The following PRORP variants were observed in gnomAD, a reference collection of about 807,000 sequenced individuals.
The protein encoded by PRORP is mitochondrial ribonuclease P catalytic subunit.
A neutral mutation model predicts 59.4 loss-of-function variants in PRORP; 51 were observed. That is an observed-to-expected ratio of 0.86 (90% CI 0.69 to 1.08). The LOEUF (loss-of-function observed/expected upper bound fraction) is 1.08. PRORP is among the 50% of genes least tolerant of loss of function. The pLI is 0.00. For missense variants in PRORP, 646 were observed against 690.3 expected (o/e 0.94, Z 0.72); for synonymous variants, 231 against 245.6 (o/e 0.94, Z 0.55).
chr14:35,192,966 C>A lies in PRORP; in HGVS notation c.1275+12189C>A, dbSNP rs1167672063. The stretch of plus-strand genomic sequence containing the variant: ...CTAGATTGTGCCACTACAGTCCAGC[C>A]TGGGTGACAGAGTAGAAAAAAAAAA... On this transcript the variant is annotated intron_variant, in intron 5 of 7. Coordinates refer to ENST00000534898, the MANE Select transcript of PRORP (RefSeq NM_014672.4). Among the ~76,000 whole-genome samples, 18 of 147,992 alleles carry A rather than the reference C, an allele frequency of 1.2e-4. 1 individual carries two copies. Among genetic ancestry groups the A allele is most frequent in the Middle Eastern group, 3.5e-3 (1 of 288 alleles).
chr14:35,266,161 T>C (rs1478068839), intron 5 of PRORP, among the ~76,000 whole-genome samples: 2 of 151,514 alleles, frequency 1.3e-5, no homozygotes, highest in East Asian at 1.9e-4. Context: ...CTACTAAAAA[T>C]ACAAAATTAG....
At chr14:35,136,405 G>C (rs1045752166) in intron 4 of PRORP, among the ~76,000 whole-genome samples, 5 of 150,486 alleles carry the variant, frequency 3.3e-5, no homozygotes, top group African/African-American at 1.2e-4. Flanking sequence ...ACAGAGTTTC[G>C]CTGTTGTTGC....
intron 5 of PRORP, among the ~76,000 whole-genome samples, chr14:35,258,396 A>G (rs1349098235): frequency 6.6e-6 from 1 of 152,236 alleles, no homozygotes; most frequent in Non-Finnish European, 1.5e-5. Context: ...AATCAGAATA[A>G]AGAAAATGCA....
chr14:35,227,828 A>G (rs1313348067), intron 5 of PRORP, among the ~76,000 whole-genome samples: 2 of 152,124 alleles, frequency 1.3e-5, no homozygotes, highest in Non-Finnish European at 2.9e-5. Flanking sequence ...ACAAGCCCGC[A>G]GAAATACGTA....
chr14:35,124,198 C>A lies in PRORP; in HGVS notation c.953C>A (p.Ser318Ter). The change falls in exon 2 of 8, where the codon TCA (serine) becomes TAA (stop). Residue 318 changes from serine (S) to a stop codon, truncating the protein, a stop_gained. Transcript: ENST00000534898. LOFTEE classifies it high-confidence loss of function. ...AATAATCAGCTGTATCCAGGGGAGT[C>A]ATTTGCACACAGTATAAAAACATGG... ...LRNNQLYPGE[S>*]FAHSIKTWFE... 1.3e-6 allele frequency: 2 copies of A among 1,569,604 alleles called. No individual in the cohort carries two copies. Among genetic ancestry groups the A allele is most frequent in the South Asian group, 2.4e-5 (2 of 83,938 alleles).
chr14:35,123,326 T>C lies in PRORP; in HGVS notation c.81T>C (p.Ser27=). 2 of 1,614,040 alleles carry C rather than the reference T, an allele frequency of 1.2e-6. No individual in the cohort carries two copies. Among genetic ancestry groups the C allele is most frequent in the Middle Eastern group, 1.7e-4 (1 of 6,058 alleles). ...ACCTTGGGCTAGGCCCAGGGCACTC[T>C]TATGTCTCGCTGTTTCTGGCAGACC... ...SPYLGLGPGH[S]YVSLFLADRC... is the part of the protein sequence containing the mutation. The change falls in exon 2 of 8, where the codon TCT becomes TCC. Residue 27 remains serine (S), a synonymous_variant. Coordinates refer to ENST00000534898, the MANE Select transcript of PRORP (RefSeq NM_014672.4).
At chr14:35,195,536 T>G (rs1482211453) in intron 5 of PRORP, among the ~76,000 whole-genome samples, 1 of 152,168 alleles carries the variant, frequency 6.6e-6, no homozygotes, top group Non-Finnish European at 1.5e-5. Flanking sequence ...CTTTATATAG[T>G]TATGTATTTT....
Position 35,218,473 on chromosome 14 carries a change from A to C in PRORP, c.1275+37696A>C, listed in dbSNP as rs1294082435. 5.5e-5 allele frequency among the ~76,000 whole-genome samples: 8 copies of C among 146,032 alleles called. 1 individual carries two copies. The highest frequency in any genetic ancestry group is 4.3e-4 in the South Asian group (2 of 4,662). ...AAGATCCTGTCTAAAAAAAGAAAAA[A>C]AAAAAAAAAAAACCAACAACAAAAC... On this transcript the variant is annotated intron_variant, in intron 5 of 7. Coordinates refer to ENST00000534898, the MANE Select transcript of PRORP (RefSeq NM_014672.4).
At chr14:35,202,362 T>G (rs1349754552) in intron 5 of PRORP, among the ~76,000 whole-genome samples, 2 of 152,190 alleles carry the variant, frequency 1.3e-5, no homozygotes, top group Non-Finnish European at 2.9e-5. Context: ...TGAGGGCAAC[T>G]AAAGGAAATG....
At chr14:35,211,717 G>A (rs192966485) in intron 5 of PRORP, among the ~76,000 whole-genome samples, 1 of 152,116 alleles carries the variant, frequency 6.6e-6, no homozygotes, top group Admixed American at 6.5e-5. Flanking sequence ...GAGCCTTCAG[G>A]GCATCCTAAT....
At chr14:35,243,885 T>C (rs752893518) in intron 5 of PRORP, among the ~76,000 whole-genome samples, 1 of 152,204 alleles carries the variant, frequency 6.6e-6, no homozygotes. Flanking sequence ...AATTGCCTAG[T>C]AACTCATAGC....
chr14:35,182,919 A>T (rs755226624), intron 5 of PRORP, among the ~76,000 whole-genome samples: 1 of 152,264 alleles, frequency 6.6e-6, no homozygotes, highest in East Asian at 1.9e-4. Flanking sequence ...AATGTATTCA[A>T]ATGTGTTCAT....
At chr14:35,158,777 C>A in intron 4 of PRORP, 1 of 360,124 alleles carries the variant, frequency 2.8e-6, no homozygotes, top group South Asian at 2.7e-5. Flanking sequence ...TTAACACTAC[C>A]TTCCTTGATT....
intron 4 of PRORP, chr14:35,159,064 G>A (rs2047994158): frequency 4.1e-6 from 1 of 242,450 alleles, no homozygotes; most frequent in South Asian, 4.8e-5. Flanking sequence ...TGCTGCTGTT[G>A]ACGCTCCTCT....
At chr14:35,238,177 A>G (rs558989395) in intron 5 of PRORP, among the ~76,000 whole-genome samples, 92 of 152,266 alleles carry the variant, frequency 6.0e-4, no homozygotes, top group Middle Eastern at 6.8e-3. Context: ...CTGAGGTGCA[A>G]TTAAGTCACT....
chr14:35,171,609 G>T (rs1425922390), intron 4 of PRORP, among the ~76,000 whole-genome samples: 1 of 152,018 alleles, frequency 6.6e-6, no homozygotes, highest in African/African-American at 2.4e-5. Context: ...TTACTATGAT[G>T]TGCCTAGTTA....
At chr14:35,155,945 A>G (rs770972519) in intron 4 of PRORP, among the ~76,000 whole-genome samples, 47 of 152,264 alleles carry the variant, frequency 3.1e-4, no homozygotes, top group Admixed American at 7.8e-4. Context: ...AGTCAATTCT[A>G]TAAAGGTTTC....
At position 35,123,133 on chromosome 14, in the gene PRORP, T is replaced by A. The variant is rs2046978634; in HGVS notation, c.-113T>A. On this transcript the variant is annotated 5_prime_UTR_variant, in exon 2 of 8. Transcript: ENST00000534898. ...CTGTAAGGAAGAAACACAAACCTTT[T>A]AAAAAGTTCCACTTCGACTCTGCAC... is the stretch of plus-strand genomic sequence containing the variant. The A allele has an allele frequency of 7.3e-6, 8 of 1,099,326 alleles. No homozygotes were observed. In the South Asian group the frequency reaches 1.2e-4, roughly 17 times the overall value. 68.1% of individuals were successfully genotyped at this position (1,099,326 alleles called of 1,614,324 possible). A position where few individuals can be genotyped will look rare whatever the true frequency, so the allele number is the denominator to read the frequency against.
rs527521776 is a variant in PRORP, at chr14:35,201,789, C to G, written c.1275+21012C>G. 2.8e-4 allele frequency among the ~76,000 whole-genome samples: 42 copies of G among 151,678 alleles called. No individual in the cohort carries two copies. The South Asian group carries it at 8.8e-3, about 32-fold the overall frequency. ...TCTCATGCCTCAGCCTCCTGAATAG[C>G]TGGGATTGCAGGTGTGCACCACCAC... On this transcript the variant is annotated intron_variant, in intron 5 of 7. Coordinates refer to ENST00000534898, the MANE Select transcript of PRORP (RefSeq NM_014672.4).
Sources: allele counts gnomAD v4.1 joint callset (sites outside exome capture counted in the v4.1 genomes callset), GRCh38; gene constraint gnomAD v4.1.1; transcripts MANE v1.5; gene names NCBI Gene and HGNC (gene_info 2026-07-23, HGNC 2026-07-21).